Variants in SALL1 observed in about 807,000 individuals in gnomAD.
SALL1 encodes the protein spalt like transcription factor 1.
Under a neutral mutation model 73.1 loss-of-function variants are expected in SALL1, and 10 were observed. The observed-to-expected ratio is 0.14, with a 90% CI of 0.08 to 0.23. The LOEUF is 0.23. Among genes scored for constraint, SALL1 ranks in the 10% least tolerant of loss-of-function variants. The pLI, the probability that SALL1 is intolerant of heterozygous loss-of-function variation, is 1.00. For missense variants in SALL1, 1,520 were observed against 1,697.3 expected (o/e 0.90, Z 1.84); for synonymous variants, 688 against 689.8 (o/e 1.00, Z 0.04).
At chr16:51,150,455 C>G in intron 1 of SALL1, 1 of 985,652 alleles carries the variant, frequency 1.0e-6, no homozygotes, top group South Asian at 4.7e-5. Flanking sequence ...GAGCCAGACC[C>G]CGACACTTTC....
Position 51,141,471 on chromosome 16 carries a change from G to T in SALL1, c.751C>A (p.Arg251Ser). Residue 251 changes from arginine (R) to serine (S), a missense_variant, in exon 2 of 3, where the codon CGT becomes AGT. By Grantham distance (110) the Arg-to-Ser change is moderately radical. Transcript: ENST00000251020. This position sits in a 1 kb window ranked among gnomAD's most constrained non-coding sequence, Gnocchi z 5.4. ...GAAGCCAACAGCAATATTTGGTGAC[G>T]AATCTGTTCGATCAATTGCAGCTGG... ...IHQLQLIEQIRHQILLLASQN... is the reference protein window; with the variant it reads ...IHQLQLIEQISHQILLLASQN... 1 of 1,614,162 alleles carries T rather than the reference G, an allele frequency of 6.2e-7. No individual in the cohort carries two copies. Among genetic ancestry groups the T allele is most frequent in the Non-Finnish European group, 8.5e-7 (1 of 1,180,038 alleles).
rs957588187 is a variant in SALL1 at position 51,147,649 on chromosome 16, T to A, written c.76+3517A>T. On this transcript the variant is annotated intron_variant, in intron 1 of 2. Transcript: ENST00000251020. ...TTATCTGCAATTCATGGTGTTTCAT[T>A]CTTCCAATATTATCTTTTCCTTGAA... Among the ~76,000 whole-genome samples, 47 of 152,268 alleles carry A rather than the reference T, an allele frequency of 3.1e-4. 1 individual carries two copies. Among genetic ancestry groups the A allele is most frequent in the Middle Eastern group, 3.4e-3 (1 of 294 alleles).
At position 51,138,787 on chromosome 16, in the gene SALL1, T is replaced by C; in HGVS notation, c.3435A>G (p.Ser1145=). Residue 1145 remains serine (S), a synonymous_variant, in exon 2 of 3, where the codon TCA becomes TCG. Transcript: ENST00000251020. The part of the protein sequence containing the change: ...YCNTCGKTFS[S]SSALQIHERT... ...TCTCGTGAATCTGCAGGGCACTCGA[T>C]GAGGAGAAGGTTTTGCCACATGTGT... The C allele has an allele frequency of 3.7e-6, 6 of 1,614,138 alleles. No homozygotes were observed. Among genetic ancestry groups the C allele is most frequent in the South Asian group, 1.1e-5 (1 of 91,076 alleles).
chr16:51,147,857 T>A (rs568939498), intron 1 of SALL1, among the ~76,000 whole-genome samples: 261 of 150,682 alleles, frequency 1.7e-3, no homozygotes, highest in African/African-American at 6.1e-3. Context: ...AAATCCCAAT[T>A]TGTAGTAAAG....
rs969243759 is a variant in SALL1, at chr16:51,141,169, C to T, written c.1053G>A (p.Pro351=). 63 of 1,614,046 alleles carry T rather than the reference C, an allele frequency of 3.9e-5. No individual in the cohort carries two copies. Among genetic ancestry groups the T allele is most frequent in the Non-Finnish European group, 4.7e-5 (56 of 1,180,042 alleles). ...CACTTGAAGCCACTTTTTCAGAGGA[C>T]GGGGTGGTAACTGCCGCTGCCAATA... ...MNILAAAVTT[P]SSEKVASSAG... Residue 351 remains proline, a synonymous_variant, in exon 2 of 3, where the codon CCG becomes CCA. Coordinates refer to ENST00000251020, the MANE Select transcript of SALL1 (RefSeq NM_002968.3). The surrounding 1 kb of genome is among the most constrained non-coding windows in gnomAD (Gnocchi z 5.4).
In SALL1 at chr16:51,141,454, C is replaced by T. The variant is rs1314783330; in HGVS notation, c.768G>A (p.Leu256=). The change falls in exon 2 of 3, where the codon CTG becomes CTA. Residue 256 remains leucine, a synonymous_variant. Transcript: ENST00000251020. The surrounding 1 kb of genome is among the most constrained non-coding windows in gnomAD (Gnocchi z 5.4). ...LIEQIRHQIL[L]LASQNADLPT... is the part of the protein sequence containing the mutation. ...GCAAGTCTGCATTCTGAGAAGCCAA[C>T]AGCAATATTTGGTGACGAATCTGTT... 1.9e-6 allele frequency: 3 copies of T among 1,614,190 alleles called. No homozygotes were observed. Among genetic ancestry groups the T allele is most frequent in the Admixed American group, 1.7e-5 (1 of 60,026 alleles).
Position 51,141,739 on chromosome 16 carries a change from G to A in SALL1, c.483C>T (p.Gly161=), listed in dbSNP as rs765358253. Residue 161 remains glycine (G), a synonymous_variant, in exon 2 of 3, where the codon GGC becomes GGT. Transcript: ENST00000251020. This position sits in a 1 kb window ranked among gnomAD's most constrained non-coding sequence, Gnocchi z 5.4. The stretch of plus-strand genomic sequence containing the variant: ...AGGTACCTGTGGAGGAGCTGCCGCC[G>A]CCGCCGCTGCTGCTGCTGCTGCTGC... The part of the protein sequence containing the change: ...SSSSSSSSSG[G]GGSSSTGTSA... 16 of 1,612,688 alleles carry A rather than the reference G, an allele frequency of 9.9e-6. No individual in the cohort carries two copies. Among genetic ancestry groups the A allele is most frequent in the Admixed American group, 5.0e-5 (3 of 59,974 alleles).
At chr16:51,149,288 A>T (rs1962561524) in intron 1 of SALL1, 1 of 152,204 alleles carries the variant, frequency 6.6e-6, no homozygotes, top group Non-Finnish European at 1.5e-5. Context: ...GAAAACCAGT[A>T]CAAATTTACA....
rs1363979177 is a variant in SALL1, at chr16:51,140,128, A to T, written c.2094T>A (p.Ile698=). Residue 698 remains isoleucine (I), a synonymous_variant, in exon 2 of 3, where the codon ATT becomes ATA. Transcript: ENST00000251020. The surrounding 1 kb of genome is among the most constrained non-coding windows in gnomAD (Gnocchi z 5.7). ...CATTGGGGTCAGTGGCCTTCTTGTC[A>T]ATGTTTTCTACCAGTTGCTGAAGCT... is the stretch of plus-strand genomic sequence containing the variant. ...TSKLQQLVEN[I]DKKATDPNEC... The T allele has an allele frequency of 6.2e-7, 1 of 1,613,946 alleles. No individual in the cohort carries two copies.
chr16:51,141,477 G>C lies in SALL1; in HGVS notation c.745C>G (p.Gln249Glu). The change falls in exon 2 of 3, where the codon CAG (glutamine) becomes GAG (glutamate). Residue 249 changes from glutamine (Q) to glutamate (E), a missense_variant. Coordinates refer to ENST00000251020, the MANE Select transcript of SALL1 (RefSeq NM_002968.3). The surrounding 1 kb of genome is among the most constrained non-coding windows in gnomAD (Gnocchi z 5.4). ...AACAGCAATATTTGGTGACGAATCT[G>C]TTCGATCAATTGCAGCTGGTGGATC... ...QQIHQLQLIE[Q>E]IRHQILLLAS... The C allele has an allele frequency of 6.2e-7, 1 of 1,614,144 alleles. No individual in the cohort carries two copies. Among genetic ancestry groups the C allele is most frequent in the African/African-American group, 1.3e-5 (1 of 75,052 alleles).
At chr16:51,151,065 T>C in intron 1 of SALL1, 101 bp downstream of exon 1, 1 of 663,260 alleles carries the variant, frequency 1.5e-6, no homozygotes, top group Non-Finnish European at 2.3e-6. Flanking sequence ...GCGGCGGCGG[T>C]GAGGTAGGGG....
At chr16:51,146,308 T>C (rs144946278) in intron 1 of SALL1, among the ~76,000 whole-genome samples, 2 of 152,260 alleles carry the variant, frequency 1.3e-5, no homozygotes, top group East Asian at 3.9e-4. Flanking sequence ...CCACCTAATG[T>C]ACACAATAAA....
At chr16:51,142,299 T>C (rs769805629) in intron 1 of SALL1, among the ~76,000 whole-genome samples, 154 bp from the exon 2 acceptor site, 6 of 152,110 alleles carry the variant, frequency 3.9e-5, no homozygotes, top group Non-Finnish European at 7.4e-5. Flanking sequence ...AGAACATCCA[T>C]AATTAATTTG....
In SALL1 at chr16:51,137,496, G is replaced by A. The variant is rs200139448; in HGVS notation, c.3591C>T (p.Leu1197=). Residue 1197 remains leucine, a synonymous_variant, in exon 3 of 3, where the codon CTC becomes CTT. Coordinates refer to ENST00000251020, the MANE Select transcript of SALL1 (RefSeq NM_002968.3). ...GAAATGTCATGGGGCCATCCACAGA[G>A]AGCCGCCGACCCCGTCGTGCAGGGG... ...NSTPARRGRR[L]SVDGPMTFLG... is the part of the protein sequence containing the mutation. The A allele has an allele frequency of 3.1e-6, 5 of 1,613,964 alleles. No homozygotes were observed. Among genetic ancestry groups the A allele is most frequent in the Non-Finnish European group, 3.4e-6 (4 of 1,179,996 alleles).
At chr16:51,143,156 A>C (rs2143456185) in intron 1 of SALL1, 1 of 164,368 alleles carries the variant, frequency 6.1e-6, no homozygotes, top group East Asian at 1.8e-4. Context: ...CTTTAAAAAC[A>C]GTTTGCTCTT....
At chr16:51,145,066 G>T (rs1028750950) in intron 1 of SALL1, among the ~76,000 whole-genome samples, 1 of 148,010 alleles carries the variant, frequency 6.8e-6, no homozygotes, top group African/African-American at 2.5e-5. Context: ...ATCTGCATTC[G>T]GAACAAAATT....
rs1962318663 is a variant in SALL1 at position 51,137,212 on chromosome 16, G to A, written c.3875C>T (p.Ala1292Val). 1 of 1,614,122 alleles carries A rather than the reference G, an allele frequency of 6.2e-7. No homozygotes were observed. Among genetic ancestry groups the A allele is most frequent in the Non-Finnish European group, 8.5e-7 (1 of 1,179,998 alleles). The change falls in exon 3 of 3, where the codon GCT (alanine) becomes GTT (valine). Residue 1292 changes from alanine (A) to valine (V), a missense_variant. Transcript: ENST00000251020. ...CATTTTCTCCAGGCCGGCCAGGGGAGCATTGGGCTCTGAGTTCTGGAGCCT... is the reference window on the plus strand; with the variant it reads ...CATTTTCTCCAGGCCGGCCAGGGGAACATTGGGCTCTGAGTTCTGGAGCCT... ...LERLQNSEPN[A>V]PLAGLEKMAS...
Position 51,139,502 on chromosome 16 carries a change from C to T in SALL1, c.2720G>A (p.Gly907Asp), listed in dbSNP as rs1962372976. 4 of 1,614,098 alleles carry T rather than the reference C, an allele frequency of 2.5e-6. No homozygotes were observed. Among genetic ancestry groups the T allele is most frequent in the Non-Finnish European group, 3.4e-6 (4 of 1,180,052 alleles). Residue 907 changes from glycine to aspartate, a missense_variant, in exon 2 of 3, where the codon GGT becomes GAT. Physicochemically the swap from Gly to Asp is moderately conservative, Grantham distance 94. This residue lies in a region of SALL1 where 266 missense variants were observed against 275.1 expected (regional missense o/e 0.97). Transcript: ENST00000251020. ...VLTNDSSSVG[G>D]DMESQSAGSP... ...GCCAGCACTTTGGCTTTCCATGTCA[C>T]CACCCACTGAGGATGAATCATTGGT... is the stretch of plus-strand genomic sequence containing the variant.
rs769271279 is a variant in SALL1, at chr16:51,139,686, C to T, written c.2536G>A (p.Ala846Thr). The change falls in exon 2 of 3, where the codon GCC becomes ACC. Residue 846 changes from alanine to threonine, a missense_variant. Transcript: ENST00000251020. The part of the protein sequence containing the change: ...SIPDTPKSAD[A>T]SQDSLSSSPL... ...GAAGAGGATAAGCTGTCTTGGGAGG[C>T]GTCTGCAGACTTAGGTGTATCAGGG... is the stretch of plus-strand genomic sequence containing the variant. 8.7e-6 allele frequency: 14 copies of T among 1,614,220 alleles called. No homozygotes were observed. The highest frequency in any genetic ancestry group is 1.0e-5 in the Non-Finnish European group (12 of 1,180,036).
Sources: allele counts gnomAD v4.1 joint callset (sites outside exome capture counted in the v4.1 genomes callset), GRCh38; gene constraint gnomAD v4.1.1; regional missense constraint gnomAD v4.1.1; non-coding constraint Gnocchi (gnomAD v3.1); transcripts MANE v1.5; gene names NCBI Gene and HGNC (gene_info 2026-07-23, HGNC 2026-07-21).